NOP53: variants seen among roughly 807,000 people sequenced by gnomAD.
NOP53 encodes ribosome biogenesis protein NOP53.
Under a neutral mutation model 61.0 loss-of-function variants are expected in NOP53, and 40 were observed. The ratio of observed to expected loss-of-function variants is 0.66; its 90% confidence interval spans 0.51 to 0.85. NOP53 has a LOEUF of 0.85. Among genes scored for constraint, NOP53 ranks in the 40% least tolerant of loss-of-function variants. The pLI is 0.00. For synonymous variants in NOP53, 308 were observed against 289.5 expected (o/e 1.06, Z -0.65); for missense variants, 689 against 652.9 (o/e 1.06, Z -0.60).
chr19:47,754,723 G>C lies in NOP53; in HGVS notation c.885G>C (p.Gln295His), dbSNP rs1054113663. Reference sequence around the variant, plus strand: ...CGCCTCCCCAGGAGTCCACATTCCAGGAGCTGTGCGAGGGGCTGCTGGAGG... The same window carrying C: ...CGCCTCCCCAGGAGTCCACATTCCACGAGCTGTGCGAGGGGCTGCTGGAGG... Reference protein sequence around the residue: ...EQAATQESTFQELCEGLLEES... With the variant: ...EQAATQESTFHELCEGLLEES... The change falls in exon 8 of 13, where the codon CAG (glutamine) becomes CAC (histidine). Residue 295 changes from glutamine (Q) to histidine (H), a missense_variant. Gln to His is a conservative substitution (Grantham distance 24). Transcript: ENST00000246802. This position sits in a 1 kb window ranked among gnomAD's most constrained non-coding sequence, Gnocchi z 4.2. 2 of 1,532,610 alleles carry C rather than the reference G, an allele frequency of 1.3e-6. No individual in the cohort carries two copies. The highest frequency in any genetic ancestry group is 2.8e-5 in the African/African-American group (2 of 72,692). 94.9% of individuals were successfully genotyped at this position (1,532,610 alleles called of 1,614,324 possible).
In NOP53 at chr19:47,751,127, C is replaced by T; in HGVS notation, c.598+20C>T. ...CAGACAGTGAGTGATCCTGCTGTCACCTATGAATGGGGACAGGACGGCCAT... is the reference window on the plus strand; with the variant it reads ...CAGACAGTGAGTGATCCTGCTGTCATCTATGAATGGGGACAGGACGGCCAT... On this transcript the variant is annotated intron_variant, in intron 4 of 12. Coordinates refer to ENST00000246802, the MANE Select transcript of NOP53 (RefSeq NM_015710.5). The T allele has an allele frequency of 6.3e-7, 1 of 1,588,236 alleles. No individual in the cohort carries two copies. The highest frequency in any genetic ancestry group is 2.3e-5 in the East Asian group (1 of 44,302).
Position 47,754,963 on chromosome 19 carries a change from G to T in NOP53, c.1053+72G>T. 4 of 1,373,614 alleles carry T rather than the reference G, an allele frequency of 2.9e-6. No individual in the cohort carries two copies. Among genetic ancestry groups the T allele is most frequent in the Non-Finnish European group, 3.8e-6 (4 of 1,042,216 alleles). The allele number at this position is 1,373,614 out of a possible 1,614,324, so 85.1% of individuals were successfully genotyped here. On this transcript the variant is annotated intron_variant, in intron 8 of 12. Transcript: ENST00000246802. This position sits in a 1 kb window ranked among gnomAD's most constrained non-coding sequence, Gnocchi z 4.2. ...TCCTTCCTTCCTCCCACCATGGGCT[G>T]CCCTGGGTGCTGCGGGCAGCCTGCA... is the stretch of plus-strand genomic sequence containing the variant.
At chr19:47,748,363 G>C (rs1967088440) in intron 2 of NOP53, among the ~76,000 whole-genome samples, 1 of 152,052 alleles carries the variant, frequency 6.6e-6, no homozygotes, top group Admixed American at 6.6e-5. Flanking sequence ...GGATTGCTCT[G>C]GTGAGTAATA....
chr19:47,752,118 AT>A (rs1181783859), intron 5 of NOP53, among the ~76,000 whole-genome samples: 5 of 146,246 alleles, frequency 3.4e-5, no homozygotes, highest in African/African-American at 1.4e-4. Context: ...AAAAAAAAAA[AT>A]AAAATAAAAT....
rs1470666847 is a variant in NOP53, at chr19:47,745,638, C to T, written c.79C>T (p.Pro27Ser). ...DADSGFLGLR[P>S]TSVDPALRRR... ...CGATTCTGGTTTCCTGGGGCTGCGG[C>T]CCACTTCGGTGGACCCAGCGCTGAG... The change falls in exon 1 of 13, where the codon CCC (proline) becomes TCC (serine). Residue 27 changes from proline (P) to serine (S), a missense_variant. Transcript: ENST00000246802. 1 of 1,613,992 alleles carries T rather than the reference C, an allele frequency of 6.2e-7. No homozygotes were observed. Among genetic ancestry groups the T allele is most frequent in the Non-Finnish European group, 8.5e-7 (1 of 1,179,978 alleles).
chr19:47,755,851 C>T lies in NOP53; in HGVS notation c.1296+29C>T, dbSNP rs371987402. ...CTCACTGTGTCCTGCCGTGGAGCCC[C>T]GTGCCCAGTGATGACACCATCCTTG... On this transcript the variant is annotated intron_variant, in intron 10 of 12. Transcript: ENST00000246802. 2.2e-5 allele frequency: 35 copies of T among 1,573,998 alleles called. No individual in the cohort carries two copies. The East Asian group carries it at 2.7e-4, about 12-fold the overall frequency.
rs773855881 is a variant in NOP53 at position 47,746,989 on chromosome 19, A to C, written c.247A>C (p.Asn83His). The C allele has an allele frequency of 4.3e-6, 7 of 1,613,798 alleles. No individual in the cohort carries two copies. The Admixed American group carries it at 1.2e-4, about 27-fold the overall frequency. ...CAGTGGCTTGTTGTCAGAGGCCCCAAATGAAAAACTCTTCTTCGTGGACAC... is the reference window on the plus strand; with the variant it reads ...CAGTGGCTTGTTGTCAGAGGCCCCACATGAAAAACTCTTCTTCGTGGACAC... Reference protein sequence around the residue: ...TSGGLLSEAPNEKLFFVDTGS... With the variant: ...TSGGLLSEAPHEKLFFVDTGS... Residue 83 changes from asparagine to histidine, a missense_variant, in exon 2 of 13, where the codon AAT (asparagine) becomes CAT (histidine). Coordinates refer to ENST00000246802, the MANE Select transcript of NOP53 (RefSeq NM_015710.5).
chr19:47,751,949 A>G (rs929466346), intron 5 of NOP53, among the ~76,000 whole-genome samples: 7 of 11,322 alleles, frequency 6.2e-4, no homozygotes, highest in Non-Finnish European at 1.2e-3. Context: ...TAAAAATACA[A>G]AAAAAAAATT....
rs2334293 is a variant in NOP53, at chr19:47,747,063, G to A, written c.289+32G>A. ...AGAGGCTTTTGTGGTGTGGAATGGC[G>A]GTTATTCATTGTTAGTCAGCTTACG... is the stretch of plus-strand genomic sequence containing the variant. On this transcript the variant is annotated intron_variant, in intron 2 of 12. Coordinates refer to ENST00000246802, the MANE Select transcript of NOP53 (RefSeq NM_015710.5). 1.9e-6 allele frequency: 3 copies of A among 1,555,972 alleles called. No individual in the cohort carries two copies. The African/African-American group carries it at 4.1e-5, about 21-fold the overall frequency.
rs372765334 is a variant in NOP53, at chr19:47,754,473, A to G, written c.766-54A>G. On this transcript the variant is annotated intron_variant, in intron 6 of 12. Transcript: ENST00000246802. The surrounding 1 kb of genome is among the most constrained non-coding windows in gnomAD (Gnocchi z 4.2). ...GGACAGATGGGAGGTAAGAGGGTCTAGTCTCAGTGTCCCAGGAGGGGTTCA... is the reference window on the plus strand; with the variant it reads ...GGACAGATGGGAGGTAAGAGGGTCTGGTCTCAGTGTCCCAGGAGGGGTTCA... 7.6e-7 allele frequency: 1 copy of G among 1,311,850 alleles called. No homozygotes were observed. Among genetic ancestry groups the G allele is most frequent in the South Asian group, 1.3e-5 (1 of 78,902 alleles). 81.3% of individuals were successfully genotyped at this position (1,311,850 alleles called of 1,614,324 possible). A position where few individuals can be genotyped will look rare whatever the true frequency, so the allele number is the denominator to read the frequency against.
chr19:47,751,182 G>T, intron 4 of NOP53, 75 bp downstream of exon 4: 1 of 1,318,124 alleles, frequency 7.6e-7, no homozygotes, highest in African/African-American at 1.4e-5. Flanking sequence ...TGCACTGCAC[G>T]AGAGTACAGT....
At chr19:47,755,690 G>A in intron 9 of NOP53, 66 bp from the exon 10 acceptor site, 2 of 1,458,678 alleles carry the variant, frequency 1.4e-6, no homozygotes, top group Non-Finnish European at 1.9e-6. Flanking sequence ...TCCAGGAGGG[G>A]GCTTTGGACT....
At chr19:47,752,710 C>T in intron 6 of NOP53, 103 bp downstream of exon 6, 1 of 749,162 alleles carries the variant, frequency 1.3e-6, no homozygotes, top group Non-Finnish European at 2.4e-6. Context: ...ACCCAGACAG[C>T]CCTGGGCCTG....
chr19:47,747,782 T>C (rs1395527232), intron 2 of NOP53, among the ~76,000 whole-genome samples: 8 of 10,824 alleles, frequency 7.4e-4, no homozygotes, highest in Non-Finnish European at 1.3e-3. Context: ...TCTCTCTCTT[T>C]TTTTTTTTTT....
intron 5 of NOP53, among the ~76,000 whole-genome samples, chr19:47,752,055 C>G (rs960448114): frequency 6.6e-6 from 1 of 151,680 alleles, no homozygotes; most frequent in South Asian, 2.1e-4. Context: ...GGCAGTGAGC[C>G]GAGATCATGC....
At chr19:47,747,947 A>G (rs964607291) in intron 2 of NOP53, among the ~76,000 whole-genome samples, 1 of 151,684 alleles carries the variant, frequency 6.6e-6, no homozygotes, top group African/African-American at 2.4e-5. Context: ...TGCCCGGCTA[A>G]TTTTGTATTT....
At chr19:47,750,389 G>A (rs1352551868) in intron 3 of NOP53, 103 bp downstream of exon 3, 2 of 728,554 alleles carry the variant, frequency 2.7e-6, no homozygotes, top group Middle Eastern at 2.3e-4. Flanking sequence ...TGAAGGGTAG[G>A]GCAGGCTCAG....
At chr19:47,756,047 G>C (rs1030414498) in intron 10 of NOP53, 3 of 583,354 alleles carry the variant, frequency 5.1e-6, no homozygotes, top group Non-Finnish European at 9.2e-6. Context: ...CTTCCAGCTG[G>C]TCCCTGTTGC....
chr19:47,750,159 TTC>T lies in NOP53; in HGVS notation c.290-15_290-14del, dbSNP rs1362434110. On this transcript the variant is annotated splice_polypyrimidine_tract_variant and intron_variant, in intron 2 of 12. Transcript: ENST00000246802. ...TGGGTAGGGCTGAGGCCTTGACTTG[TTC>T]TCTTTCCCATTCTTAGGGCTGACAA... 6.5e-7 allele frequency: 1 copy of T among 1,532,692 alleles called. No homozygotes were observed. The highest frequency in any genetic ancestry group is 9.0e-7 in the Non-Finnish European group (1 of 1,106,232). The allele number at this position is 1,532,692 out of a possible 1,614,324, so 94.9% of individuals were successfully genotyped here. A position where few individuals can be genotyped will look rare whatever the true frequency, so the allele number is the denominator to read the frequency against.
Sources: allele counts gnomAD v4.1 joint callset (sites outside exome capture counted in the v4.1 genomes callset), GRCh38; gene constraint gnomAD v4.1.1; non-coding constraint Gnocchi (gnomAD v3.1); transcripts MANE v1.5; gene names NCBI Gene and HGNC (gene_info 2026-07-23, HGNC 2026-07-21).